DNAJC1: variants seen among roughly 807,000 people sequenced by gnomAD.
DNAJC1 encodes dnaJ homolog subfamily C member 1.
In DNAJC1, 58 loss-of-function variants were observed where a neutral mutation model predicts 76.6. The observed-to-expected ratio is 0.76, with a 90% CI of 0.61 to 0.94. The LOEUF is 0.94. Ranked by LOEUF, DNAJC1 falls within the 40% of genes least tolerant of loss-of-function variation. The pLI is 0.00. For missense variants in DNAJC1, 689 were observed against 677.3 expected (o/e 1.02, Z -0.19); for synonymous variants, 258 against 267.9 (o/e 0.96, Z 0.36).
intron 8 of DNAJC1, among the ~76,000 whole-genome samples, chr10:21,858,710 G>C (rs935368572): frequency 1.3e-5 from 2 of 152,110 alleles, no homozygotes; most frequent in African/African-American, 2.4e-5. Context: ...GAGAGATAAC[G>C]AGAACAGGAA....
chr10:21,960,595 T>G (rs1030468412), intron 1 of DNAJC1, among the ~76,000 whole-genome samples: 2 of 152,006 alleles, frequency 1.3e-5, no homozygotes, highest in African/African-American at 4.8e-5. Context: ...GAGGCTGAAG[T>G]GGGAGGATCA....
intron 8 of DNAJC1, among the ~76,000 whole-genome samples, chr10:21,838,086 G>A (rs1268763303): frequency 2.6e-5 from 4 of 152,006 alleles, no homozygotes; most frequent in Non-Finnish European, 5.9e-5. Context: ...GGGAAGTGAG[G>A]AGCCCCTCTG....
chr10:21,921,855 A>G (rs530966551), intron 3 of DNAJC1, among the ~76,000 whole-genome samples: 4 of 152,184 alleles, frequency 2.6e-5, no homozygotes, highest in African/African-American at 9.6e-5. Flanking sequence ...AATAAGGAGT[A>G]ACATTTATGA....
chr10:21,761,016 T>C (rs1834234361), intron 10 of DNAJC1, among the ~76,000 whole-genome samples: 1 of 151,478 alleles, frequency 6.6e-6, no homozygotes, highest in Non-Finnish European at 1.5e-5. Context: ...CCGTCTCTAC[T>C]AAAAATACAA....
intron 1 of DNAJC1, among the ~76,000 whole-genome samples, chr10:21,980,099 T>C (rs1838129112): frequency 1.3e-5 from 2 of 152,064 alleles, no homozygotes; most frequent in South Asian, 4.1e-4. Flanking sequence ...TTCTATATTA[T>C]TAGCTACAAA....
intron 6 of DNAJC1, among the ~76,000 whole-genome samples, chr10:21,917,097 TA>T (rs910791723): frequency 3.1e-4 from 47 of 152,128 alleles, no homozygotes; most frequent in Admixed American, 2.8e-3. Flanking sequence ...ATCAAGTAAG[TA>T]AAAACTTTAA....
At chr10:21,766,835 C>T (rs1302815968) in intron 9 of DNAJC1, among the ~76,000 whole-genome samples, 1 of 151,560 alleles carries the variant, frequency 6.6e-6, no homozygotes, top group East Asian at 1.9e-4. Flanking sequence ...CTGGGCAAGG[C>T]GGTGGTTGCC....
chr10:21,870,122 G>T (rs1424798766), intron 8 of DNAJC1, among the ~76,000 whole-genome samples: 2 of 151,758 alleles, frequency 1.3e-5, no homozygotes, highest in African/African-American at 2.4e-5. Context: ...GTTCATTCCA[G>T]AAAAATAAAG....
intron 2 of DNAJC1, 84 bp from the exon 3 acceptor site, chr10:21,928,636 T>A (rs535171956): frequency 1.8e-6 from 2 of 1,081,668 alleles, no homozygotes; most frequent in African/African-American, 1.6e-5. Flanking sequence ...ACAATACACA[T>A]GCAGAAAATC....
intron 7 of DNAJC1, among the ~76,000 whole-genome samples, chr10:21,882,830 T>C (rs1836303718): frequency 2.0e-5 from 3 of 152,034 alleles, no homozygotes; most frequent in Admixed American, 1.3e-4. Flanking sequence ...TTCTCATCTA[T>C]AAAAAAAACC....
At chr10:21,824,996 G>A (rs536778326) in intron 8 of DNAJC1, among the ~76,000 whole-genome samples, 5 of 152,108 alleles carry the variant, frequency 3.3e-5, no homozygotes, top group South Asian at 4.2e-4. Flanking sequence ...GATTGGTCTC[G>A]AATTCCTGAC....
intron 11 of DNAJC1, among the ~76,000 whole-genome samples, chr10:21,757,228 AT>A (rs973195123): frequency 1.3e-5 from 2 of 152,128 alleles, no homozygotes; most frequent in African/African-American, 4.8e-5. Flanking sequence ...TTGTGCTGGA[AT>A]ACTCATTCCT....
At chr10:21,795,860 A>C (rs1157988326) in intron 9 of DNAJC1, among the ~76,000 whole-genome samples, 1 of 152,074 alleles carries the variant, frequency 6.6e-6, no homozygotes, top group African/African-American at 2.4e-5. Context: ...ATTTTAGATA[A>C]CTCATAAAAA....
intron 8 of DNAJC1, among the ~76,000 whole-genome samples, chr10:21,825,796 A>T (rs1835238984): frequency 6.6e-6 from 1 of 152,170 alleles, no homozygotes; most frequent in Admixed American, 6.5e-5. Flanking sequence ...ATACCTTTTC[A>T]TGTGACTACT....
At chr10:21,922,265 A>T (rs1238116411) in intron 3 of DNAJC1, among the ~76,000 whole-genome samples, 4 of 152,014 alleles carry the variant, frequency 2.6e-5, no homozygotes, top group Admixed American at 6.6e-5. Context: ...TAAAAAAATA[A>T]AGCAGAGGAT....
intron 8 of DNAJC1, among the ~76,000 whole-genome samples, chr10:21,806,359 C>A (rs777950891): frequency 6.6e-6 from 1 of 152,034 alleles, no homozygotes; most frequent in Non-Finnish European, 1.5e-5. Context: ...TATTGCAAAA[C>A]CAGGTTTTGC....
intron 7 of DNAJC1, among the ~76,000 whole-genome samples, chr10:21,883,206 C>G (rs1169241192): frequency 6.6e-6 from 1 of 151,346 alleles, no homozygotes; most frequent in Non-Finnish European, 1.5e-5. Flanking sequence ...GCCAAGATCA[C>G]ACCACTGCAT....
intron 6 of DNAJC1, among the ~76,000 whole-genome samples, chr10:21,918,560 C>T (rs1413979709): frequency 6.6e-6 from 1 of 151,316 alleles, no homozygotes; most frequent in Non-Finnish European, 1.5e-5. Flanking sequence ...TCTTGGGACT[C>T]TAAGGTGATC....
At position 21,995,107 on chromosome 10, in the gene DNAJC1, A is replaced by T. The variant is rs1318122295; in HGVS notation, c.222+8106T>A. On this transcript the variant is annotated intron_variant, in intron 1 of 11. Coordinates refer to ENST00000376980, the MANE Select transcript of DNAJC1 (RefSeq NM_022365.4). ...CCAATAAGATTTGCAATTAAAAAAA[A>T]TTTTCTAAAAGTCAGAGGTTTCTTT... Among the ~76,000 whole-genome samples the T allele has an allele frequency of 3.3e-5, 5 of 152,082 alleles. No individual in the cohort carries two copies. In the East Asian group the frequency reaches 7.7e-4, roughly 23 times the overall value.
Sources: allele counts gnomAD v4.1 joint callset (sites outside exome capture counted in the v4.1 genomes callset), GRCh38; gene constraint gnomAD v4.1.1; transcripts MANE v1.5; gene names NCBI Gene and HGNC (gene_info 2026-07-23, HGNC 2026-07-21).